MTCL1: variants seen among roughly 807,000 people sequenced by gnomAD.
The protein encoded by MTCL1 is microtubule cross-linking factor 1.
MTCL1 carries 79 observed loss-of-function variants against 141.4 expected under a neutral mutation model. The ratio of observed to expected loss-of-function variants is 0.56; its 90% CI spans 0.47 to 0.67. The LOEUF is 0.67. MTCL1 is among the 30% of genes least tolerant of loss of function. The pLI is 0.00. For missense variants in MTCL1, 2,177 were observed against 2,113.9 expected (o/e 1.03, Z -0.59); for synonymous variants, 914 against 875.8 (o/e 1.04, Z -0.77).
At chr18:8,758,880 C>G (rs1029084456) in intron 4 of MTCL1, among the ~76,000 whole-genome samples, 7 of 152,310 alleles carry the variant, frequency 4.6e-5, no homozygotes, top group Admixed American at 1.3e-4. Flanking sequence ...ACCAAATATA[C>G]CTATCTTGCA....
chr18:8,792,660 G>A (rs573338205), intron 7 of MTCL1, among the ~76,000 whole-genome samples: 8 of 152,282 alleles, frequency 5.3e-5, no homozygotes, highest in South Asian at 4.1e-4. Flanking sequence ...CCATCCCGGC[G>A]TCCAGAAGCC....
chr18:8,799,334 C>G (rs545896333), intron 10 of MTCL1, among the ~76,000 whole-genome samples: 2 of 152,336 alleles, frequency 1.3e-5, no homozygotes, highest in South Asian at 4.1e-4. Flanking sequence ...AATTTGGGTT[C>G]CCCCTGCTCC....
At chr18:8,727,306 G>A (rs2096222320) in intron 4 of MTCL1, among the ~76,000 whole-genome samples, 1 of 152,082 alleles carries the variant, frequency 6.6e-6, no homozygotes, top group Non-Finnish European at 1.5e-5. Flanking sequence ...TTGGGTAGAT[G>A]CACATTAATG....
chr18:8,809,877 T>C (rs1478663902), intron 11 of MTCL1: 5 of 371,126 alleles, frequency 1.3e-5, no homozygotes, highest in Non-Finnish European at 1.5e-5. Context: ...TGGGTGTGAA[T>C]GAGGAGGTGG....
chr18:8,715,855 A>G (rs934672143), upstream of MTCL1, among the ~76,000 whole-genome samples: 1 of 151,968 alleles, frequency 6.6e-6, no homozygotes, highest in African/African-American at 2.4e-5. Context: ...ATCAGTAACA[A>G]CCTCCTGTTT....
At chr18:8,763,391 GTC>G (rs928168639) in intron 4 of MTCL1, among the ~76,000 whole-genome samples, 2 of 152,210 alleles carry the variant, frequency 1.3e-5, no homozygotes, top group African/African-American at 4.8e-5. Flanking sequence ...CAGAATCTAA[GTC>G]TCTCCTCATT....
chr18:8,825,207 C>A (rs769341965), exon 15 of MTCL1: 1 of 1,594,470 alleles, frequency 6.3e-7, no homozygotes, highest in Non-Finnish European at 8.5e-7. Flanking sequence ...CCCTCCAGAA[C>A]CCATGCTCAG....
chr18:8,811,570 CTT>C (rs898353986), intron 11 of MTCL1, among the ~76,000 whole-genome samples: 4 of 151,822 alleles, frequency 2.6e-5, no homozygotes, highest in Admixed American at 1.3e-4. Context: ...TTAAAAGAAT[CTT>C]TTCAGACATG....
intron 1 of MTCL1, chr18:8,707,476 T>G (rs2148738938): frequency 6.5e-6 from 1 of 152,756 alleles, no homozygotes; most frequent in Middle Eastern, 3.2e-3. Context: ...CTTAGTCGCC[T>G]TAGCACTGGG....
rs2096058848 is a variant in MTCL1 at position 8,706,521 on chromosome 18, CGGGGTTTCGG to C, written c.871_880del (p.Gly291ArgfsTer61). On this transcript the variant is annotated frameshift_variant, in exon 1 of 14. Transcript: ENST00000306329. LOFTEE classifies it high-confidence loss of function. The stretch of plus-strand genomic sequence containing the variant: ...GTCCCGGGGGCCGGAGCATCCCGAG[CGGGGTTTCGG>C]GGGGTTTCGCGGGGCCCGGCGTGGC... 1.5e-6 allele frequency: 2 copies of C among 1,334,152 alleles called. No homozygotes were observed. Among genetic ancestry groups the C allele is most frequent in the Non-Finnish European group, 1.9e-6 (2 of 1,046,542 alleles). 82.6% of individuals were successfully genotyped at this position (1,334,152 alleles called of 1,614,324 possible).
intron 6 of MTCL1, among the ~76,000 whole-genome samples, 158 bp downstream of exon 5, chr18:8,785,001 G>A (rs537947207): frequency 1.7e-4 from 25 of 149,436 alleles, no homozygotes; most frequent in Admixed American, 5.4e-4. Context: ...CCTCTCTCTT[G>A]GTTGGGCTCC....
chr18:8,731,102 G>A (rs575310875), intron 4 of MTCL1, among the ~76,000 whole-genome samples: 323 of 151,924 alleles, frequency 2.1e-3, no homozygotes, highest in Non-Finnish European at 3.6e-3. Context: ...AAAATTAGCC[G>A]GCCGTGGTGG....
rs937498019 is a variant in MTCL1 at position 8,806,826 on chromosome 18, C to G, written c.2437-67C>G. 68 of 1,549,070 alleles carry G rather than the reference C, an allele frequency of 4.4e-5. 1 individual carries two copies. In the South Asian group the frequency reaches 7.8e-4, roughly 18 times the overall value. On this transcript the variant is annotated intron_variant, in intron 10 of 16. Coordinates refer to ENST00000359865, the Ensembl canonical transcript of MTCL1. ...CCCACACTACCTTGATAGCCAGATC[C>G]TCTCCTCTTCTGACCTAAAAAATAC... is the stretch of plus-strand genomic sequence containing the variant.
chr18:8,808,420 G>C (rs141838430), intron 11 of MTCL1, among the ~76,000 whole-genome samples: 1 of 152,190 alleles, frequency 6.6e-6, no homozygotes, highest in African/African-American at 2.4e-5. Context: ...TTATAGGAAC[G>C]TAGTATCCAC....
Position 8,780,585 on chromosome 18 carries a change from T to C in MTCL1, c.417+2693T>C, listed in dbSNP as rs139612602. ...TTTGACAATGGACAGACACTGGCTC[T>C]CAAGTTAACAATGGGGCTGAGGGCA... is the stretch of plus-strand genomic sequence containing the variant. On this transcript the variant is annotated intron_variant, in intron 5 of 16. Coordinates refer to ENST00000359865, the Ensembl canonical transcript of MTCL1. Among the ~76,000 whole-genome samples the C allele has an allele frequency of 5.6e-3, 848 of 152,356 alleles. 14 individuals carry two copies. The highest frequency in any genetic ancestry group is 0.019 in the African/African-American group (806 of 41,590).
chr18:8,730,564 G>A (rs2096244805), intron 4 of MTCL1, among the ~76,000 whole-genome samples: 1 of 152,184 alleles, frequency 6.6e-6, no homozygotes, highest in Non-Finnish European at 1.5e-5. Context: ...GATAAGCGAA[G>A]CCGCTTCTGT....
At chr18:8,763,653 T>A (rs1005758940) in intron 4 of MTCL1, among the ~76,000 whole-genome samples, 9 of 152,240 alleles carry the variant, frequency 5.9e-5, no homozygotes, top group African/African-American at 2.2e-4. Flanking sequence ...GCCTTATTGC[T>A]CATTTGATTT....
intron 8 of MTCL1, among the ~76,000 whole-genome samples, chr18:8,793,667 C>T (rs147932057): frequency 1.6e-4 from 25 of 152,306 alleles, no homozygotes; most frequent in Non-Finnish European, 1.5e-4. Flanking sequence ...TCGCCCTGGA[C>T]ATCCATGAGA....
chr18:8,817,721 A>T (rs1344041333), intron 12 of MTCL1, among the ~76,000 whole-genome samples: 1 of 152,214 alleles, frequency 6.6e-6, no homozygotes, highest in Non-Finnish European at 1.5e-5. Context: ...ACTTCAAATC[A>T]TTATTTGGCC....
Sources: allele counts gnomAD v4.1 joint callset (sites outside exome capture counted in the v4.1 genomes callset), GRCh38; gene constraint gnomAD v4.1.1; transcripts MANE v1.5; gene names NCBI Gene and HGNC (gene_info 2026-07-23, HGNC 2026-07-21).